The following FRAS1 variants were observed in gnomAD, a reference collection of about 807,000 sequenced individuals.
The protein encoded by FRAS1 is Fraser extracellular matrix complex subunit 1.
A neutral mutation model predicts 435.2 loss-of-function variants in FRAS1; 290 were observed. That is an observed-to-expected ratio of 0.67 (90% CI 0.61 to 0.73). FRAS1 has a LOEUF of 0.73. Ranked by LOEUF, FRAS1 falls within the 30% of genes least tolerant of loss-of-function variation. The probability of loss-of-function intolerance (pLI) is 0.00; values close to 1 mark genes in which losing one functional copy is unlikely to be tolerated. For missense variants in FRAS1, 4,860 were observed against 5,001.5 expected (o/e 0.97, Z 0.85); for synonymous variants, 1,800 against 1,851.0 (o/e 0.97, Z 0.71).
At chr4:78,530,912 T>TA (rs1429579061) in intron 70 of FRAS1, among the ~76,000 whole-genome samples, 3 of 152,220 alleles carry the variant, frequency 2.0e-5, no homozygotes, top group Non-Finnish European at 4.4e-5. Context: ...TAGCATTGAA[T>TA]ATCTAAATTA....
chr4:78,531,803 T>C (rs1721724460), intron 70 of FRAS1, among the ~76,000 whole-genome samples: 2 of 152,214 alleles, frequency 1.3e-5, no homozygotes, highest in Admixed American at 6.5e-5. Flanking sequence ...ATTTACTATC[T>C]GGCTGTTCAC....
At position 78,387,406 on chromosome 4, in the gene FRAS1, A is replaced by G; in HGVS notation, c.3680A>G (p.His1227Arg). The G allele has an allele frequency of 6.2e-7, 1 of 1,612,486 alleles. No homozygotes were observed. Among genetic ancestry groups the G allele is most frequent in the East Asian group, 2.2e-5 (1 of 44,864 alleles). The change falls in exon 29 of 74, where the codon CAC becomes CGC. Residue 1227 changes from histidine (H) to arginine (R), a missense_variant. Coordinates refer to ENST00000512123, the MANE Select transcript of FRAS1 (RefSeq NM_025074.7). ...APYVLRNEVL[H>R]ISRGERATIT... Reference sequence around the variant, plus strand: ...TATGTGCTGAGAAATGAAGTTCTCCACATTAGCAGAGGAGAGAGGGCAACC... The same window carrying G: ...TATGTGCTGAGAAATGAAGTTCTCCGCATTAGCAGAGGAGAGAGGGCAACC...
chr4:78,408,935 G>A (rs1733209482), intron 31 of FRAS1, among the ~76,000 whole-genome samples: 1 of 151,740 alleles, frequency 6.6e-6, no homozygotes, highest in African/African-American at 2.4e-5. Flanking sequence ...ACCAGCTTGG[G>A]CAACATGGTG....
chr4:78,241,115 A>G (rs1419784762), intron 3 of FRAS1, among the ~76,000 whole-genome samples: 2 of 152,106 alleles, frequency 1.3e-5, no homozygotes, highest in Non-Finnish European at 2.9e-5. Flanking sequence ...AAGGCTGAAT[A>G]AAGGCCATCC....
chr4:78,466,306 CATGAAAGAT>C lies in FRAS1; in HGVS notation c.7131_7139del (p.Met2377_Asp2379del). ...ATTTCCACCTCACCTCCACCTTCAC[CATGAAAGAT>C]ATCTACCAGAACCGGGTCAGCTACA... On this transcript the variant is annotated inframe_deletion, in exon 50 of 74. Transcript: ENST00000512123. 6.2e-7 allele frequency: 1 copy of C among 1,613,832 alleles called. No homozygotes were observed. Among genetic ancestry groups the C allele is most frequent in the Non-Finnish European group, 8.5e-7 (1 of 1,179,758 alleles).
intron 26 of FRAS1, 86 bp from the exon 27 acceptor site, chr4:78,379,640 T>A (rs532944963): frequency 5.5e-6 from 7 of 1,272,478 alleles, no homozygotes; most frequent in Non-Finnish European, 7.8e-6. Context: ...AAGGAGGTGG[T>A]CTGAAAAAAT....
intron 2 of FRAS1, among the ~76,000 whole-genome samples, chr4:78,233,113 A>G (rs1724586028): frequency 6.6e-6 from 1 of 152,230 alleles, no homozygotes; most frequent in South Asian, 2.1e-4. Flanking sequence ...ACTGCTTTCA[A>G]GTTTGGAGGT....
At chr4:78,510,632 C>A (rs975437386) in intron 63 of FRAS1, among the ~76,000 whole-genome samples, 2 of 152,136 alleles carry the variant, frequency 1.3e-5, no homozygotes, top group Non-Finnish European at 2.9e-5. Context: ...TCCTGGTGAC[C>A]TACATTGCCT....
intron 2 of FRAS1, among the ~76,000 whole-genome samples, chr4:78,097,064 T>G (rs1421233456): frequency 1.3e-5 from 2 of 152,224 alleles, no homozygotes; most frequent in Non-Finnish European, 2.9e-5. Flanking sequence ...AGAAATTTCT[T>G]CTGCCAGATA....
chr4:78,277,098 A>G (rs113839616), intron 9 of FRAS1, among the ~76,000 whole-genome samples: 286 of 152,336 alleles, frequency 1.9e-3, no homozygotes, highest in African/African-American at 6.8e-3. Context: ...CTCCGTGAGC[A>G]TGGGACCCTC....
chr4:78,171,092 A>T (rs1243493351), intron 2 of FRAS1, among the ~76,000 whole-genome samples: 1 of 152,130 alleles, frequency 6.6e-6, no homozygotes, highest in Non-Finnish European at 1.5e-5. Flanking sequence ...CCTATGAGGT[A>T]GCTTGTCTGT....
Position 78,519,492 on chromosome 4 carries a change from T to G in FRAS1, c.10540+11T>G, listed in dbSNP as rs540904771. ...TTCTCTGGAGAACAGGTATGCCCACTGACGCCTTAACTATCCCTTTAGTTA... is the reference window on the plus strand; with the variant it reads ...TTCTCTGGAGAACAGGTATGCCCACGGACGCCTTAACTATCCCTTTAGTTA... On this transcript the variant is annotated intron_variant, in intron 67 of 73. Transcript: ENST00000512123. The G allele has an allele frequency of 1.2e-6, 2 of 1,605,946 alleles. No homozygotes were observed. Among genetic ancestry groups the G allele is most frequent in the Non-Finnish European group, 1.7e-6 (2 of 1,176,876 alleles).
intron 27 of FRAS1, 108 bp from the exon 28 acceptor site, chr4:78,383,951 A>G (rs1732120067): frequency 1.3e-6 from 1 of 752,632 alleles, no homozygotes; most frequent in Non-Finnish European, 2.2e-6. Flanking sequence ...CAGCAGTTTG[A>G]TCCAAATTCT....
chr4:78,075,895 G>A (rs563590750), intron 2 of FRAS1, among the ~76,000 whole-genome samples: 3 of 152,284 alleles, frequency 2.0e-5, no homozygotes, highest in Non-Finnish European at 4.4e-5. Flanking sequence ...AGTTTGAAGC[G>A]AGAGAAGTGA....
chr4:78,347,041 TTC>T (rs1457097961), intron 20 of FRAS1, among the ~76,000 whole-genome samples: 3 of 152,136 alleles, frequency 2.0e-5, no homozygotes, highest in Non-Finnish European at 4.4e-5. Flanking sequence ...AGATCCTCAT[TTC>T]TCTCTTCCTG....
intron 18 of FRAS1, among the ~76,000 whole-genome samples, chr4:78,327,207 G>A (rs1019949743): frequency 1.3e-5 from 2 of 152,040 alleles, no homozygotes; most frequent in Non-Finnish European, 2.9e-5. Context: ...GCGTGCCAGA[G>A]CAAGACCCTT....
At chr4:78,371,642 A>G (rs1418499681) in intron 23 of FRAS1, among the ~76,000 whole-genome samples, 1 of 152,176 alleles carries the variant, frequency 6.6e-6, no homozygotes, top group Non-Finnish European at 1.5e-5. Context: ...TAATATAGAG[A>G]AAAAGTAGCA....
chr4:78,116,378 A>G (rs1361132570), intron 2 of FRAS1, among the ~76,000 whole-genome samples: 1 of 152,006 alleles, frequency 6.6e-6, no homozygotes, highest in Non-Finnish European at 1.5e-5. Flanking sequence ...TAATTCCTGG[A>G]TATCCTTGTT....
chr4:78,202,218 A>G (rs991623220), intron 2 of FRAS1, among the ~76,000 whole-genome samples: 6 of 152,174 alleles, frequency 3.9e-5, no homozygotes, highest in Non-Finnish European at 8.8e-5. Context: ...TATAGATGAG[A>G]AAATGGAGGT....
Sources: gnomAD v4.1 joint callset for allele counts (sites outside exome capture counted in the v4.1 genomes callset) on GRCh38, gnomAD v4.1.1 for gene constraint, MANE v1.5 for transcripts, NCBI Gene and HGNC (gene_info 2026-07-23, HGNC 2026-07-21) for gene names.